Variants in DIXDC1 observed in about 807,000 individuals in gnomAD.
DIXDC1 encodes the protein dixin.
In DIXDC1, 64 loss-of-function variants were observed where a neutral mutation model predicts 103.1. The observed-to-expected ratio is 0.62, with a 90% CI of 0.51 to 0.76. The LOEUF (loss-of-function observed/expected upper bound fraction) is 0.76. DIXDC1 is among the 30% of genes least tolerant of loss of function. The pLI is 0.00. For missense variants in DIXDC1, 759 were observed against 834.2 expected (o/e 0.91, Z 1.11); for synonymous variants, 266 against 298.5 (o/e 0.89, Z 1.12).
chr11:111,995,353 TTGGGAAG>T, intron 15 of DIXDC1, 43 bp from the exon 16 acceptor site: 2 of 1,601,994 alleles, frequency 1.2e-6, no homozygotes, highest in Non-Finnish European at 1.7e-6. Flanking sequence ...AGCCCAGTGG[TTGGGAAG>T]TGGCACCGTG....
intron 3 of DIXDC1, among the ~76,000 whole-genome samples, chr11:111,972,169 A>G (rs116838775): frequency 0.012 from 1,796 of 152,348 alleles, 22 homozygotes; most frequent in African/African-American, 0.04. Flanking sequence ...CTTTTCCAAG[A>G]CTTGTATATT....
intron 1 of DIXDC1, among the ~76,000 whole-genome samples, chr11:111,944,648 T>A (rs1966533477): frequency 6.6e-6 from 1 of 152,198 alleles, no homozygotes; most frequent in Non-Finnish European, 1.5e-5. Context: ...TGGAGTGTCT[T>A]GGAGGAAGCT....
exon 1 of DIXDC1, chr11:111,927,365 C>T (rs997751865): frequency 1.3e-5 from 2 of 152,422 alleles, no homozygotes; most frequent in African/African-American, 4.8e-5. Context: ...GATGCTGAAC[C>T]AGACGGACCC....
intron 17 of DIXDC1, among the ~76,000 whole-genome samples, chr11:112,004,389 C>T (rs1331184469): frequency 2.0e-5 from 3 of 152,068 alleles, no homozygotes; most frequent in African/African-American, 7.2e-5. Context: ...TTGACCCCTC[C>T]GTCCCTGCTC....
chr11:111,990,015 C>T (rs1159321072), intron 10 of DIXDC1, among the ~76,000 whole-genome samples: 2 of 151,526 alleles, frequency 1.3e-5, no homozygotes, highest in African/African-American at 4.8e-5. Flanking sequence ...TGGTCTCCAT[C>T]TCCTGACCTT....
chr11:111,990,612 A>C (rs1555174448), intron 10 of DIXDC1, among the ~76,000 whole-genome samples: 1 of 152,206 alleles, frequency 6.6e-6, no homozygotes, highest in East Asian at 1.9e-4. Flanking sequence ...GTATACATAC[A>C]TATATATGCT....
At chr11:111,960,729 A>G (rs1384696531) in intron 1 of DIXDC1, among the ~76,000 whole-genome samples, 1 of 152,116 alleles carries the variant, frequency 6.6e-6, no homozygotes, top group African/African-American at 2.4e-5. Context: ...CCTTGGTCCC[A>G]CTCTCAGAAA....
chr11:111,933,292 C>T (rs1966089343), upstream of DIXDC1, among the ~76,000 whole-genome samples: 1 of 152,146 alleles, frequency 6.6e-6, no homozygotes. Context: ...CCATGCTCGG[C>T]TAATTCTGTA....
chr11:112,004,957 A>C lies in DIXDC1; in HGVS notation c.1756+8811A>C, dbSNP rs1475356674. ...CTGTCTTAACATATGTCTGGCATTC[A>C]ATAAGAAATTATGAGGCATCCACAA... On this transcript the variant is annotated intron_variant, in intron 17 of 19. Transcript: ENST00000440460. 3.9e-5 allele frequency among the ~76,000 whole-genome samples: 6 copies of C among 152,332 alleles called. 1 individual carries two copies. The highest frequency in any genetic ancestry group is 8.8e-5 in the Non-Finnish European group (6 of 68,028).
intron 8 of DIXDC1, among the ~76,000 whole-genome samples, chr11:111,986,168 A>T (rs1435000850): frequency 2.0e-5 from 3 of 152,162 alleles, no homozygotes; most frequent in Non-Finnish European, 2.9e-5. Flanking sequence ...GTTTTTGTAA[A>T]ACAGCAAGAA....
At chr11:112,014,987 C>T (rs1401572381) in intron 17 of DIXDC1, among the ~76,000 whole-genome samples, 4 of 151,698 alleles carry the variant, frequency 2.6e-5, no homozygotes, top group African/African-American at 7.3e-5. Context: ...CAGGTTCAAG[C>T]GATTCTCCTG....
rs374655992 is a variant in DIXDC1 at position 111,993,753 on chromosome 11, C to T, written c.1437+13C>T. The T allele has an allele frequency of 3.7e-5, 59 of 1,613,134 alleles. No homozygotes were observed. The East Asian group carries it at 6.5e-4, about 18-fold the overall frequency. ...AGAGGCAGATGAGGTAACCTAGACC[C>T]CGTGTTCTCCCTCCCACATTTATGA... On this transcript the variant is annotated intron_variant, in intron 14 of 19. Transcript: ENST00000440460.
rs1555177851 is a variant in DIXDC1, at chr11:112,017,221, CT to C, written c.1862+427del. 3.9e-5 allele frequency among the ~76,000 whole-genome samples: 6 copies of C among 152,112 alleles called. No homozygotes were observed. The highest frequency in any genetic ancestry group is 7.4e-5 in the Non-Finnish European group (5 of 68,018). On this transcript the variant is annotated intron_variant, in intron 18 of 19. Coordinates refer to ENST00000440460, the MANE Select transcript of DIXDC1 (RefSeq NM_001037954.4). The surrounding 1 kb of genome is among the most constrained non-coding windows in gnomAD (Gnocchi z 4.0). ...CCTATTGAGAAATTATGTCAAAAAC[CT>C]TCCAGAAAGTTAATGTGCTTCCTTT...
chr11:111,989,915 A>G (rs1169955130), intron 10 of DIXDC1, among the ~76,000 whole-genome samples: 14 of 148,960 alleles, frequency 9.4e-5, no homozygotes, highest in African/African-American at 2.5e-4. Context: ...CAGCCTCCCA[A>G]GTAGCTGGGT....
intron 17 of DIXDC1, among the ~76,000 whole-genome samples, chr11:112,009,545 A>G (rs1555177015): frequency 1.3e-5 from 2 of 152,224 alleles, no homozygotes; most frequent in East Asian, 1.9e-4. Context: ...ATGAACATCA[A>G]TGCGAAAATC....
Position 111,977,592 on chromosome 11 carries a change from C to A in DIXDC1, c.656+2609C>A. ...CGCTGGGGCCGAGACGCCGCCGCCG[C>A]CGCCGTTCCCGCTTTCTCCCGCGAG... is the stretch of plus-strand genomic sequence containing the variant. On this transcript the variant is annotated intron_variant, in intron 5 of 19. Transcript: ENST00000440460. The surrounding 1 kb of genome is among the most constrained non-coding windows in gnomAD (Gnocchi z 6.1). The A allele has an allele frequency of 6.6e-7, 1 of 1,508,726 alleles. No homozygotes were observed. Among genetic ancestry groups the A allele is most frequent in the South Asian group, 1.3e-5 (1 of 78,834 alleles). The allele number at this position is 1,508,726 out of a possible 1,614,324, so 93.5% of individuals were successfully genotyped here. A position where few individuals can be genotyped will look rare whatever the true frequency, so the allele number is the denominator to read the frequency against.
chr11:111,946,809 G>T, intron 1 of DIXDC1: 1 of 461,234 alleles, frequency 2.2e-6, no homozygotes, highest in Non-Finnish European at 4.4e-6. Flanking sequence ...AAACAGTTCT[G>T]TGAACAGGGA....
In DIXDC1 at chr11:111,945,185, C is replaced by A. The variant is rs782145156; in HGVS notation, c.60+7626C>A. On this transcript the variant is annotated intron_variant, in intron 1 of 19. Coordinates refer to ENST00000440460, the MANE Select transcript of DIXDC1 (RefSeq NM_001037954.4). ...TTCTCTGCCTCTTGTCTGCTTCTTT[C>A]TATGCTGGCTTTATTCCCATTTACT... Among the ~76,000 whole-genome samples, 2 of 152,304 alleles carry A rather than the reference C, an allele frequency of 1.3e-5. 1 individual carries two copies. The highest frequency in any genetic ancestry group is 6.8e-3 in the Middle Eastern group (2 of 294).
intron 5 of DIXDC1, among the ~76,000 whole-genome samples, chr11:111,979,445 G>A (rs973419178): frequency 6.6e-6 from 1 of 152,204 alleles, no homozygotes; most frequent in Non-Finnish European, 1.5e-5. Context: ...ATTCCTGAGA[G>A]GGGGCTGGGC....
Sources: allele counts gnomAD v4.1 joint callset (sites outside exome capture counted in the v4.1 genomes callset), GRCh38; gene constraint gnomAD v4.1.1; non-coding constraint Gnocchi (gnomAD v3.1); transcripts MANE v1.5; gene names NCBI Gene and HGNC (gene_info 2026-07-23, HGNC 2026-07-21).